Variants in MS4A15 observed in about 807,000 individuals in gnomAD.
MS4A15 encodes membrane spanning 4-domains A15.
A neutral mutation model predicts 20.6 loss-of-function variants in MS4A15; 22 were observed. The observed-to-expected ratio is 1.07, with a 90% CI of 0.76 to 1.52. The LOEUF is 1.52. Among genes scored for constraint, MS4A15 ranks in the 40% most tolerant of loss-of-function variants. The pLI is 0.00. For missense variants in MS4A15, 312 were observed against 323.0 expected (o/e 0.97, Z 0.26); for synonymous variants, 129 against 129.3 (o/e 1.00, Z 0.02).
chr11:60,773,913 A>G lies in MS4A15; in HGVS notation c.575A>G (p.His192Arg). ...TTCTTCACAGCGGTCATTGCCATGC[A>G]CTTCGGGTGCCAAGCCATCCATGCC... ...LEFFTAVIAM[H>R]FGCQAIHAQA... Residue 192 changes from histidine (H) to arginine (R), a missense_variant, in exon 6 of 7, where the codon CAC becomes CGC. Coordinates refer to ENST00000405633, the MANE Select transcript of MS4A15 (RefSeq NM_001098835.2). 6.2e-7 allele frequency: 1 copy of G among 1,614,018 alleles called. No homozygotes were observed. Among genetic ancestry groups the G allele is most frequent in the East Asian group, 2.2e-5 (1 of 44,862 alleles).
Position 60,763,732 on chromosome 11 carries a change from C to A in MS4A15, c.-2C>A, listed in dbSNP as rs377465215. On this transcript the variant is annotated 5_prime_UTR_variant, in exon 2 of 7. Coordinates refer to ENST00000405633, the MANE Select transcript of MS4A15 (RefSeq NM_001098835.2). The stretch of plus-strand genomic sequence containing the variant: ...CTTTGTTTCCCAGGCTCTCTGAGCA[C>A]GATGTCTGCAGCTCCCGCCAGCAAT... The A allele has an allele frequency of 3.1e-6, 5 of 1,612,032 alleles. No individual in the cohort carries two copies. The highest frequency in any genetic ancestry group is 4.2e-6 in the Non-Finnish European group (5 of 1,179,806).
chr11:60,773,956 T>TCCCCCCCCC lies in MS4A15; in HGVS notation c.612+6_612+7insCCCCCCCCC. ...TCCATGCCCAGGCCAGTGCAGTGAG[T>TCCCCCCCCC]ACCCCCACCCCCACCCCCACGTCCA... On this transcript the variant is annotated splice_region_variant and intron_variant, in intron 6 of 6. Coordinates refer to ENST00000405633, the MANE Select transcript of MS4A15 (RefSeq NM_001098835.2). The TCCCCCCCCC allele has an allele frequency of 6.2e-7, 1 of 1,606,314 alleles. No individual in the cohort carries two copies. Among genetic ancestry groups the TCCCCCCCCC allele is most frequent in the East Asian group, 2.2e-5 (1 of 44,756 alleles).
rs1264348059 is a variant in MS4A15, at chr11:60,771,273, TC to T, written c.349-14del. 4.3e-6 allele frequency: 7 copies of T among 1,612,756 alleles called. No individual in the cohort carries two copies. Among genetic ancestry groups the T allele is most frequent in the Non-Finnish European group, 5.1e-6 (6 of 1,179,862 alleles). Reference sequence around the variant, plus strand: ...GGGTCCTGGCTGAGGCCTCACCTGGTCCCCTCTCCCCATACAGTTCATCATC... The same window carrying T: ...GGGTCCTGGCTGAGGCCTCACCTGGTCCCTCTCCCCATACAGTTCATCATC... On this transcript the variant is annotated splice_polypyrimidine_tract_variant and intron_variant, in intron 3 of 6. Transcript: ENST00000405633.
intron 3 of MS4A15, among the ~76,000 whole-genome samples, chr11:60,769,089 G>A (rs963794169): frequency 3.3e-4 from 50 of 152,132 alleles, no homozygotes; most frequent in African/African-American, 1.1e-3. Context: ...AGAAACAAAG[G>A]GGTCACTTTC....
At chr11:60,760,341 C>T (rs777758716) in intron 1 of MS4A15, among the ~76,000 whole-genome samples, 5 of 152,220 alleles carry the variant, frequency 3.3e-5, no homozygotes, top group Admixed American at 2.6e-4. Context: ...TAAAACTTAT[C>T]CTGATTGCCA....
At chr11:60,771,516 C>T (rs776405350) in intron 4 of MS4A15, 169 bp downstream of exon 4, 2 of 1,535,428 alleles carry the variant, frequency 1.3e-6, no homozygotes, top group Non-Finnish European at 1.7e-6. Flanking sequence ...GCAGACTGTG[C>T]ATGTCCAGGA....
chr11:60,762,238 T>C (rs1284061017), intron 1 of MS4A15, among the ~76,000 whole-genome samples: 2 of 152,246 alleles, frequency 1.3e-5, no homozygotes, highest in African/African-American at 4.8e-5. Context: ...CAAACTACTC[T>C]GTCTCACCTG....
intron 1 of MS4A15, among the ~76,000 whole-genome samples, chr11:60,760,042 T>C (rs1473450123): frequency 6.6e-6 from 1 of 152,202 alleles, no homozygotes; most frequent in Non-Finnish European, 1.5e-5. Flanking sequence ...CTTATTTCTT[T>C]TCTCAGTCTC....
chr11:60,769,403 T>G (rs1479548255), intron 3 of MS4A15, among the ~76,000 whole-genome samples: 1 of 152,172 alleles, frequency 6.6e-6, no homozygotes, highest in Non-Finnish European at 1.5e-5. Flanking sequence ...TCCAGGATGG[T>G]GGATGACTTG....
intron 1 of MS4A15, among the ~76,000 whole-genome samples, chr11:60,761,393 C>G (rs963837311): frequency 1.3e-5 from 2 of 152,208 alleles, no homozygotes; most frequent in African/African-American, 4.8e-5. Flanking sequence ...TCTAATGAAG[C>G]TACACAAGTG....
intron 4 of MS4A15, 53 bp from the exon 5 acceptor site, chr11:60,773,339 T>C (rs2134729359): frequency 6.6e-7 from 1 of 1,506,744 alleles, no homozygotes; most frequent in South Asian, 1.2e-5. Flanking sequence ...GCCCCTGCCT[T>C]TTCTCCTTCT....
Position 60,776,093 on chromosome 11 carries a change from G to A in MS4A15, c.*378G>A, listed in dbSNP as rs1028995290. On this transcript the variant is annotated 3_prime_UTR_variant, in exon 7 of 7. Transcript: ENST00000405633. ...GGGCCTCGGGAAGGTCAGAGAGCCC[G>A]GAATCCTCCAGAATGGAAGAGTCTG... is the stretch of plus-strand genomic sequence containing the variant. The A allele has an allele frequency of 4.2e-5, 7 of 167,098 alleles. No homozygotes were observed. The highest frequency in any genetic ancestry group is 9.1e-5 in the Non-Finnish European group (7 of 77,312). 10.4% of individuals were successfully genotyped at this position (167,098 alleles called of 1,614,324 possible). A position where few individuals can be genotyped will look rare whatever the true frequency, so the allele number is the denominator to read the frequency against.
At chr11:60,775,322 A>AAAAAAAAAAAG (rs111900887) in intron 6 of MS4A15, among the ~76,000 whole-genome samples, 4 of 147,700 alleles carry the variant, frequency 2.7e-5, no homozygotes, top group African/African-American at 7.5e-5. Context: ...TGTCTCAAAA[A>AAAAAAAAAAAG]AAAAAAGAAA....
At chr11:60,766,322 A>G (rs1853884795) in intron 2 of MS4A15, among the ~76,000 whole-genome samples, 1 of 152,236 alleles carries the variant, frequency 6.6e-6, no homozygotes, top group Non-Finnish European at 1.5e-5. Context: ...CAGAGTTTGC[A>G]GTGAGCTGAG....
intron 1 of MS4A15, among the ~76,000 whole-genome samples, chr11:60,763,475 C>T (rs1853798964): frequency 6.6e-6 from 1 of 152,184 alleles, no homozygotes; most frequent in African/African-American, 2.4e-5. Context: ...AAGAGCAAGG[C>T]CTCTGAAACC....
At chr11:60,760,317 G>A (rs1026376401) in intron 1 of MS4A15, among the ~76,000 whole-genome samples, 3 of 152,192 alleles carry the variant, frequency 2.0e-5, no homozygotes, top group Admixed American at 6.5e-5. Context: ...ACTTGCTCAA[G>A]CTCACATGAT....
rs912997362 is a variant in MS4A15 at position 60,767,411 on chromosome 11, T to G, written c.226-122T>G. On this transcript the variant is annotated intron_variant, in intron 2 of 6. Coordinates refer to ENST00000405633, the MANE Select transcript of MS4A15 (RefSeq NM_001098835.2). ...AATATCGCCTCTAAAGAACAGAATC[T>G]GAGTTTCTTTCCCAGTGGCCAACAA... 73 of 1,228,088 alleles carry G rather than the reference T, an allele frequency of 5.9e-5. 1 individual carries two copies. Among genetic ancestry groups the G allele is most frequent in the Middle Eastern group, 2.2e-4 (1 of 4,620 alleles). The allele number at this position is 1,228,088 out of a possible 1,614,324, so 76.1% of individuals were successfully genotyped here.
At chr11:60,759,339 G>C (rs539095145) in intron 1 of MS4A15, among the ~76,000 whole-genome samples, 1 of 152,242 alleles carries the variant, frequency 6.6e-6, no homozygotes, top group Admixed American at 6.5e-5. Context: ...TTTGCAGACA[G>C]TATGCTTGGT....
In MS4A15 at chr11:60,770,255, CTGTCTGTACT is replaced by C. The variant is rs1190751390; in HGVS notation, c.349-1034_349-1025del. On this transcript the variant is annotated intron_variant, in intron 3 of 6. Transcript: ENST00000405633. ...GACTTCATCACAGCTCTTAGCACCA[CTGTCTGTACT>C]TTTCTTCACTGTTTGCTAAGTGTCA... Among the ~76,000 whole-genome samples the C allele has an allele frequency of 2.6e-5, 4 of 152,198 alleles. No homozygotes were observed. In the South Asian group the frequency reaches 6.2e-4, roughly 24 times the overall value.
Sources: allele counts gnomAD v4.1 joint callset (sites outside exome capture counted in the v4.1 genomes callset), GRCh38; gene constraint gnomAD v4.1.1; transcripts MANE v1.5; gene names NCBI Gene and HGNC (gene_info 2026-07-23, HGNC 2026-07-21).